The following CADM2 variants were observed in gnomAD, a reference collection of about 807,000 sequenced individuals.
CADM2 encodes the protein immunoglobulin superfamily member 4D.
A neutral mutation model predicts 49.8 loss-of-function variants in CADM2; 12 were observed. The observed-to-expected ratio is 0.24, with a 90% confidence interval of 0.15 to 0.39. CADM2 has a LOEUF of 0.39. CADM2 is among the 10% of genes least tolerant of loss of function. The pLI is 1.00. For missense variants in CADM2, 378 were observed against 492.3 expected (o/e 0.77, Z 2.20); for synonymous variants, 214 against 175.4 (o/e 1.22, Z -1.74).
intron 1 of CADM2, among the ~76,000 whole-genome samples, chr3:85,386,436 A>G (rs1364437368): frequency 6.6e-6 from 1 of 152,136 alleles, no homozygotes; most frequent in African/African-American, 2.4e-5. Flanking sequence ...GAAATTCACA[A>G]TTAAGGCAGT....
At chr3:85,302,823 CATA>C in intron 1 of CADM2, among the ~76,000 whole-genome samples, 1 of 151,888 alleles carries the variant, frequency 6.6e-6, no homozygotes, top group Non-Finnish European at 1.5e-5. Context: ...TACAGACTGC[CATA>C]ATAACTGAAT....
intron 1 of CADM2, among the ~76,000 whole-genome samples, chr3:85,698,940 C>G (rs1193733437): frequency 1.3e-5 from 2 of 152,152 alleles, no homozygotes; most frequent in Non-Finnish European, 2.9e-5. Context: ...AGGCTAGCCC[C>G]TTCTGCCTAT....
At position 86,073,763 on chromosome 3, in the gene CADM2, A is replaced by G. The variant is rs1703405734; in HGVS notation, c.*6980A>G. 6.6e-6 allele frequency: 1 copy of G among 151,792 alleles called. No individual in the cohort carries two copies. The highest frequency in any genetic ancestry group is 6.6e-5 in the Admixed American group (1 of 15,244). 9.4% of individuals were successfully genotyped at this position (151,792 alleles called of 1,614,324 possible). A position where few individuals can be genotyped will look rare whatever the true frequency, so the allele number is the denominator to read the frequency against. On this transcript the variant is annotated 3_prime_UTR_variant, in exon 10 of 10. Transcript: ENST00000383699. ...GACAGGTCATTAAATCGATGGTACA[A>G]AACATACTTCTTTATGCCAAACACA...
chr3:85,928,910 A>C (rs745585478), intron 6 of CADM2, among the ~76,000 whole-genome samples: 10 of 152,160 alleles, frequency 6.6e-5, no homozygotes, highest in Non-Finnish European at 1.3e-4. Context: ...TATATTACAA[A>C]TATACATTAT....
At chr3:85,407,109 G>GGAGGATCTCTTGAACCT (rs2035421047) in intron 1 of CADM2, among the ~76,000 whole-genome samples, 1 of 152,120 alleles carries the variant, frequency 6.6e-6, no homozygotes, top group African/African-American at 2.4e-5. Flanking sequence ...GTCTAAGGTG[G>GGAGGATCTCTTGAACCT]GAGGATCTCT....
intron 1 of CADM2, among the ~76,000 whole-genome samples, chr3:85,535,041 A>G (rs1390663120): frequency 6.6e-6 from 1 of 151,832 alleles, no homozygotes. Flanking sequence ...TGTCTGTTTC[A>G]TAATATGTGA....
intron 1 of CADM2, among the ~76,000 whole-genome samples, chr3:85,150,120 T>C (rs1425158601): frequency 4.6e-5 from 7 of 152,222 alleles, no homozygotes; most frequent in Non-Finnish European, 1.0e-4. Context: ...AGAGAAGCTG[T>C]TCTATTTGAG....
intron 1 of CADM2, among the ~76,000 whole-genome samples, chr3:85,391,319 G>A (rs1455548116): frequency 6.6e-6 from 1 of 152,020 alleles, no homozygotes; most frequent in Admixed American, 6.6e-5. Flanking sequence ...GTGATAAAAA[G>A]AGGACATAGA....
chr3:85,366,339 C>A (rs978529613), intron 1 of CADM2, among the ~76,000 whole-genome samples: 1 of 152,118 alleles, frequency 6.6e-6, no homozygotes, highest in Admixed American at 6.6e-5. Flanking sequence ...TACACACCTG[C>A]GGAGATTTTG....
At chr3:85,666,051 T>C (rs566352820) in intron 1 of CADM2, among the ~76,000 whole-genome samples, 47 of 152,028 alleles carry the variant, frequency 3.1e-4, no homozygotes, top group Non-Finnish European at 6.2e-4. Context: ...AGTCTCAGAA[T>C]GCAAAATCAA....
At chr3:85,737,498 A>G (rs1197360895) in intron 2 of CADM2, among the ~76,000 whole-genome samples, 2 of 152,156 alleles carry the variant, frequency 1.3e-5, no homozygotes, top group African/African-American at 2.4e-5. Context: ...ATGACATCCA[A>G]GCAGCAACAA....
chr3:85,501,276 T>C (rs1002871948), intron 1 of CADM2, among the ~76,000 whole-genome samples: 1 of 152,178 alleles, frequency 6.6e-6, no homozygotes, highest in Non-Finnish European at 1.5e-5. Context: ...TTTAAAAGTT[T>C]TAAGTATCTT....
chr3:85,968,306 TA>T (rs1725709924), intron 8 of CADM2, among the ~76,000 whole-genome samples: 1 of 151,680 alleles, frequency 6.6e-6, no homozygotes, highest in Non-Finnish European at 1.5e-5. Flanking sequence ...TGGAATGGCA[TA>T]AAATAGTAGA....
intron 1 of CADM2, among the ~76,000 whole-genome samples, chr3:85,120,765 G>A (rs878878932): frequency 3.3e-5 from 5 of 151,930 alleles, no homozygotes; most frequent in African/African-American, 7.3e-5. Context: ...ACCATGGCAC[G>A]TGTATACCTA....
intron 8 of CADM2, among the ~76,000 whole-genome samples, chr3:85,980,212 C>G (rs1330096476): frequency 6.6e-6 from 1 of 151,326 alleles, no homozygotes; most frequent in South Asian, 2.1e-4. Context: ...AACAATTTAA[C>G]TTGAAATTAA....
intron 7 of CADM2, among the ~76,000 whole-genome samples, chr3:85,946,393 T>A (rs1250099063): frequency 6.6e-6 from 1 of 151,868 alleles, no homozygotes. Flanking sequence ...CCCATCAAGC[T>A]ACCAATGACT....
intron 1 of CADM2, among the ~76,000 whole-genome samples, chr3:85,069,577 T>A (rs1431488991): frequency 2.0e-5 from 3 of 152,156 alleles, no homozygotes; most frequent in Non-Finnish European, 2.9e-5. Flanking sequence ...TTTATAATAA[T>A]TTTGAGGAAA....
rs868445834 is a variant in CADM2, at chr3:85,568,460, T to A, written c.62-158062T>A. Among the ~76,000 whole-genome samples, 3 of 30,668 alleles carry A rather than the reference T, an allele frequency of 9.8e-5. 1 individual carries two copies. Among genetic ancestry groups the A allele is most frequent in the Non-Finnish European group, 1.3e-4 (2 of 14,990 alleles). 20.1% of individuals were successfully genotyped at this position (30,668 alleles called of 152,430 possible). On this transcript the variant is annotated intron_variant, in intron 1 of 9. Coordinates refer to ENST00000383699, the MANE Select transcript of CADM2 (RefSeq NM_001167675.2). ...CTTTCTTTCTTTCTTTCTTTCTTTC[T>A]TTCTCTTTCTCTCTCTTTCTTTCTT...
At position 85,780,724 on chromosome 3, in the gene CADM2, AT is replaced by A. The variant is rs896847175; in HGVS notation, c.89-21316del. Among the ~76,000 whole-genome samples, 89 of 151,966 alleles carry A rather than the reference AT, an allele frequency of 5.9e-4. 1 individual carries two copies. Among genetic ancestry groups the A allele is most frequent in the Non-Finnish European group, 4.1e-4 (28 of 67,984 alleles). On this transcript the variant is annotated intron_variant, in intron 2 of 9. Coordinates refer to ENST00000383699, the MANE Select transcript of CADM2 (RefSeq NM_001167675.2). ...CATTTGAGCTGTGAAAATAATCTTA[AT>A]TTTTTTCTTGCCTTTAGATATGTGA...
Sources: allele counts gnomAD v4.1 joint callset (sites outside exome capture counted in the v4.1 genomes callset), GRCh38; gene constraint gnomAD v4.1.1; transcripts MANE v1.5; gene names NCBI Gene and HGNC (gene_info 2026-07-23, HGNC 2026-07-21).